WDFY4: variants seen among roughly 807,000 people sequenced by gnomAD.
WDFY4 encodes WDFY family member 4.
A neutral mutation model predicts 351.9 loss-of-function variants in WDFY4; 169 were observed. That is an observed-to-expected ratio of 0.48 (90% CI 0.42 to 0.55). The LOEUF (loss-of-function observed/expected upper bound fraction) is 0.55. Ranked by LOEUF, WDFY4 falls within the 20% of genes least tolerant of loss-of-function variation. The pLI is 0.00. For missense variants in WDFY4, 3,803 were observed against 3,935.6 expected, an observed-to-expected ratio of 0.97 and a Z score of 0.90; for synonymous variants, 1,622 against 1,574.6, an observed-to-expected ratio of 1.03 and a Z score of -0.71.
At chr10:48,778,940 C>A (rs1264729947) in intron 18 of WDFY4, 108 bp downstream of exon 18, 11 of 1,239,436 alleles carry the variant, frequency 8.9e-6, no homozygotes, top group Non-Finnish European at 1.2e-5. Context: ...CCTTCTGTTT[C>A]TCCTCATCCT....
chr10:48,685,806 T>C (rs925711530), intron 1 of WDFY4, among the ~76,000 whole-genome samples: 1 of 152,140 alleles, frequency 6.6e-6, no homozygotes, highest in Non-Finnish European at 1.5e-5. Flanking sequence ...GTCATTCATT[T>C]AGTTATTTAA....
chr10:48,778,939 T>C (rs2066127615), intron 18 of WDFY4, 107 bp downstream of exon 18: 1 of 1,254,866 alleles, frequency 8.0e-7, no homozygotes, highest in Admixed American at 2.2e-5. Flanking sequence ...ACCTTCTGTT[T>C]CTCCTCATCC....
At chr10:48,686,932 G>A (rs1032909542) in intron 1 of WDFY4, among the ~76,000 whole-genome samples, 2 of 152,138 alleles carry the variant, frequency 1.3e-5, no homozygotes, top group African/African-American at 4.8e-5. Flanking sequence ...AGCCTTACTG[G>A]ATGTCACCAC....
chr10:48,921,062 C>T (rs1395765359), intron 47 of WDFY4, among the ~76,000 whole-genome samples: 1 of 152,102 alleles, frequency 6.6e-6, no homozygotes, highest in Admixed American at 6.5e-5. Flanking sequence ...AATGTCAACT[C>T]TCCCCAAATT....
chr10:48,767,576 G>A (rs982598004), intron 13 of WDFY4, among the ~76,000 whole-genome samples: 5 of 152,188 alleles, frequency 3.3e-5, no homozygotes, highest in African/African-American at 1.2e-4. Flanking sequence ...GAAGCTGAGT[G>A]TAGCTGGCTT....
At chr10:48,854,570 C>T in intron 39 of WDFY4, among the ~76,000 whole-genome samples, 1 of 152,156 alleles carries the variant, frequency 6.6e-6, no homozygotes, top group East Asian at 1.9e-4. Context: ...GTCCTAGTAA[C>T]CTCATTTTAT....
intron 56 of WDFY4, 48 bp downstream of exon 56, chr10:48,969,296 C>T (rs1842229539): frequency 1.3e-6 from 2 of 1,539,988 alleles, no homozygotes; most frequent in South Asian, 2.4e-5. Context: ...CTCAGCCTTC[C>T]TCCAGCTGGA....
intron 19 of WDFY4, among the ~76,000 whole-genome samples, chr10:48,782,865 C>T (rs1274821202): frequency 6.6e-6 from 1 of 152,036 alleles, no homozygotes; most frequent in African/African-American, 2.4e-5. Context: ...TATTAGGCAA[C>T]CTGAATGGGG....
At chr10:48,715,349 GGAAAA>G (rs2132239771) in intron 2 of WDFY4, among the ~76,000 whole-genome samples, 1 of 152,368 alleles carries the variant, frequency 6.6e-6, no homozygotes, top group African/African-American at 2.4e-5. Context: ...ACAGGTAACT[GGAAAA>G]GTGGGTAACA....
intron 40 of WDFY4, among the ~76,000 whole-genome samples, chr10:48,869,453 G>A (rs746037092): frequency 6.6e-6 from 1 of 152,296 alleles, no homozygotes; most frequent in South Asian, 2.1e-4. Flanking sequence ...AGGCATCATT[G>A]CCTAGTGCCC....
At chr10:48,913,757 C>T (rs770205744) in intron 47 of WDFY4, 1 of 1,614,010 alleles carries the variant, frequency 6.2e-7, no homozygotes, top group East Asian at 2.2e-5. Flanking sequence ...GCACGCTGTC[C>T]AGGTGGTTCA....
At chr10:48,845,711 G>A (rs1388765500) in intron 39 of WDFY4, among the ~76,000 whole-genome samples, 1 of 152,160 alleles carries the variant, frequency 6.6e-6, no homozygotes, top group African/African-American at 2.4e-5. Flanking sequence ...TCTCCCCAGA[G>A]GCTTTATGGT....
intron 51 of WDFY4, among the ~76,000 whole-genome samples, chr10:48,953,214 C>T (rs1472641953): frequency 6.6e-6 from 1 of 152,120 alleles, no homozygotes; most frequent in Non-Finnish European, 1.5e-5. Context: ...CTCCCTAGTT[C>T]TAATCCTAGT....
At chr10:48,767,389 T>C (rs2065706945) in intron 13 of WDFY4, among the ~76,000 whole-genome samples, 1 of 152,220 alleles carries the variant, frequency 6.6e-6, no homozygotes. Context: ...GTATATAAAA[T>C]TCTGAAACTA....
chr10:48,796,161 T>C (rs117311706), intron 23 of WDFY4, 137 bp from the exon 24 acceptor site: 13,987 of 1,091,198 alleles, frequency 0.013, 112 homozygotes, highest in Non-Finnish European at 0.015. Context: ...GATGTGTATT[T>C]TTCTTCTGAG....
rs180956291 is a variant in WDFY4, at chr10:48,877,022, T to C, written c.7001-11T>C. 228 of 1,470,392 alleles carry C rather than the reference T, an allele frequency of 1.6e-4. No individual in the cohort carries two copies. The African/African-American group carries it at 3.1e-3, about 20-fold the overall frequency. 91.1% of individuals were successfully genotyped at this position (1,470,392 alleles called of 1,614,324 possible). A position where few individuals can be genotyped will look rare whatever the true frequency, so the allele number is the denominator to read the frequency against. On this transcript the variant is annotated splice_polypyrimidine_tract_variant and intron_variant, in intron 42 of 61. Transcript: ENST00000325239. The stretch of plus-strand genomic sequence containing the variant: ...CCTGTCAACACCACGTGTCCCTTTA[T>C]GCTGCTGCAGATGAACTGACACTGA...
intron 7 of WDFY4, among the ~76,000 whole-genome samples, chr10:48,728,394 G>T (rs2064340321): frequency 6.6e-6 from 1 of 152,228 alleles, no homozygotes; most frequent in African/African-American, 2.4e-5. Context: ...GGAAATCAAA[G>T]AAATGCCTTG....
At chr10:48,803,958 GGCA>G (rs2067168329) in intron 25 of WDFY4, among the ~76,000 whole-genome samples, 2 of 152,300 alleles carry the variant, frequency 1.3e-5, no homozygotes, top group South Asian at 2.1e-4. Context: ...GTGGCTCCTG[GGCA>G]GCTCCTCAGA....
chr10:48,911,079 GAGA>G (rs1837958843), intron 47 of WDFY4: 2 of 199,706 alleles, frequency 1.0e-5, no homozygotes, highest in African/African-American at 2.4e-5. Flanking sequence ...TTTTGGGTCA[GAGA>G]AGAAGTGACT....
Sources: gnomAD v4.1 joint callset for allele counts (sites outside exome capture counted in the v4.1 genomes callset) on GRCh38, gnomAD v4.1.1 for gene constraint, MANE v1.5 for transcripts, NCBI Gene and HGNC (gene_info 2026-07-23, HGNC 2026-07-21) for gene names.